MEIKIN: variants seen among roughly 807,000 people sequenced by gnomAD.
The protein encoded by MEIKIN is meiotic kinetochore factor.
intron 11 of MEIKIN, among the ~76,000 whole-genome samples, chr5:131,831,679 A>G (rs1460610559): frequency 6.6e-6 from 1 of 152,216 alleles, no homozygotes; most frequent in Non-Finnish European, 1.5e-5. Context: ...TGCTGCTGAT[A>G]AAGACATACC....
At position 131,810,491 on chromosome 5, in the gene MEIKIN, G is replaced by C. The variant is rs184284379; in HGVS notation, c.1100-3233C>G. Among the ~76,000 whole-genome samples the C allele has an allele frequency of 1.6e-3, 244 of 152,300 alleles. 1 individual carries two copies. Among genetic ancestry groups the C allele is most frequent in the African/African-American group, 5.7e-3 (235 of 41,540 alleles). ...TGATTCTACAAGTAATAAGCTCTGTGCATTTGGGCAAGTCACTTAACCTGG... is the reference window on the plus strand; with the variant it reads ...TGATTCTACAAGTAATAAGCTCTGTCCATTTGGGCAAGTCACTTAACCTGG... On this transcript the variant is annotated intron_variant, in intron 12 of 12. Coordinates refer to ENST00000442687, the MANE Select transcript of MEIKIN (RefSeq NM_001303622.2).
At chr5:131,825,994 C>A (rs1274105879) in intron 11 of MEIKIN, among the ~76,000 whole-genome samples, 1 of 151,774 alleles carries the variant, frequency 6.6e-6, no homozygotes. Context: ...AGAATAAAGG[C>A]AAATTAAAGG....
intron 9 of MEIKIN, among the ~76,000 whole-genome samples, chr5:131,865,174 C>A (rs1374765358): frequency 6.6e-6 from 1 of 150,546 alleles, no homozygotes; most frequent in African/African-American, 2.4e-5. Context: ...TGCATCTCAC[C>A]AAGCTTCTTT....
chr5:131,817,073 C>T (rs959328687), intron 12 of MEIKIN, among the ~76,000 whole-genome samples: 2 of 152,088 alleles, frequency 1.3e-5, no homozygotes, highest in South Asian at 2.1e-4. Flanking sequence ...ATAGAAAAGG[C>T]GGAGGAAAGG....
chr5:131,928,762 A>G (rs530016256), intron 5 of MEIKIN, among the ~76,000 whole-genome samples: 3 of 152,292 alleles, frequency 2.0e-5, no homozygotes, highest in African/African-American at 7.2e-5. Flanking sequence ...GCTTGAGGAC[A>G]GGTCATTTTT....
chr5:131,875,492 A>C (rs574354229), intron 9 of MEIKIN, among the ~76,000 whole-genome samples: 115 of 151,980 alleles, frequency 7.6e-4, no homozygotes, highest in Middle Eastern at 3.4e-3. Flanking sequence ...ATGAAATAAA[A>C]GAGGATACAA....
intron 3 of MEIKIN, among the ~76,000 whole-genome samples, chr5:131,943,594 G>T (rs1751910645): frequency 6.6e-6 from 1 of 152,038 alleles, no homozygotes; most frequent in African/African-American, 2.4e-5. Context: ...TTTAATGTAT[G>T]GGAATATACA....
chr5:131,881,081 G>A (rs1750695027), intron 8 of MEIKIN, among the ~76,000 whole-genome samples: 1 of 152,122 alleles, frequency 6.6e-6, no homozygotes, highest in African/African-American at 2.4e-5. Flanking sequence ...AGCTCTGTAG[G>A]AGATAAAACT....
In MEIKIN at chr5:131,938,168, T is replaced by C. The variant is rs1207190402; in HGVS notation, c.349+4467A>G. 8.7e-5 allele frequency among the ~76,000 whole-genome samples: 8 copies of C among 91,848 alleles called. No individual in the cohort carries two copies. In the East Asian group the frequency reaches 2.9e-3, roughly 33 times the overall value. The allele number at this position is 91,848 out of a possible 152,430, so 60.3% of individuals were successfully genotyped here. Reference sequence around the variant, plus strand: ...CATAGAACTCGCCCCTCACCCCCTTTTTTTTTTTTTTTTTTTGAGATGGAG... The same window carrying C: ...CATAGAACTCGCCCCTCACCCCCTTCTTTTTTTTTTTTTTTTGAGATGGAG... On this transcript the variant is annotated intron_variant, in intron 4 of 12. Transcript: ENST00000442687.
At chr5:131,874,285 T>C (rs1361752684) in intron 9 of MEIKIN, among the ~76,000 whole-genome samples, 5 of 151,872 alleles carry the variant, frequency 3.3e-5, no homozygotes, top group East Asian at 3.9e-4. Context: ...AAGAATCAAA[T>C]AGATGCAATA....
chr5:131,820,730 G>A (rs1221362879), intron 11 of MEIKIN, among the ~76,000 whole-genome samples: 2 of 152,092 alleles, frequency 1.3e-5, no homozygotes, highest in Admixed American at 6.5e-5. Flanking sequence ...TTGATTGATG[G>A]TTCAATCTTT....
At chr5:131,856,124 G>C (rs1750188373) in intron 9 of MEIKIN, among the ~76,000 whole-genome samples, 1 of 152,114 alleles carries the variant, frequency 6.6e-6, no homozygotes, top group Non-Finnish European at 1.5e-5. Flanking sequence ...AAATGTTTAT[G>C]GGTATATTTA....
intron 5 of MEIKIN, among the ~76,000 whole-genome samples, chr5:131,931,879 A>C (rs1751698419): frequency 6.6e-6 from 1 of 152,150 alleles, no homozygotes; most frequent in Non-Finnish European, 1.5e-5. Flanking sequence ...GGCTTTCCTC[A>C]GAAGTCTGGT....
intron 5 of MEIKIN, among the ~76,000 whole-genome samples, chr5:131,932,339 A>C (rs1751704308): frequency 6.6e-6 from 1 of 152,230 alleles, no homozygotes; most frequent in Admixed American, 6.5e-5. Flanking sequence ...TGGCTCAGGT[A>C]ACTCAGATTA....
intron 9 of MEIKIN, among the ~76,000 whole-genome samples, chr5:131,867,633 C>T (rs971937105): frequency 1.3e-5 from 2 of 152,176 alleles, no homozygotes; most frequent in Non-Finnish European, 2.9e-5. Context: ...CAGTATGTAG[C>T]CTTTTCAGTC....
At chr5:131,839,512 C>T (rs1189385256) in intron 11 of MEIKIN, among the ~76,000 whole-genome samples, 3 of 152,176 alleles carry the variant, frequency 2.0e-5, no homozygotes, top group African/African-American at 7.2e-5. Context: ...TCTCTAACAA[C>T]TTGCCTTATG....
chr5:131,882,023 A>G (rs1023107655), intron 8 of MEIKIN, among the ~76,000 whole-genome samples: 2 of 152,192 alleles, frequency 1.3e-5, no homozygotes, highest in Admixed American at 1.3e-4. Flanking sequence ...AATAAATGGT[A>G]CCATCATTCA....
chr5:131,877,894 C>T (rs1371047453), intron 9 of MEIKIN, among the ~76,000 whole-genome samples: 1 of 152,136 alleles, frequency 6.6e-6, no homozygotes, highest in Non-Finnish European at 1.5e-5. Context: ...AATTGCACAC[C>T]ATTCTGAGTA....
chr5:131,895,334 T>C lies in MEIKIN; in HGVS notation c.704-16286A>G, dbSNP rs146966999. Among the ~76,000 whole-genome samples, 485 of 152,344 alleles carry C rather than the reference T, an allele frequency of 3.2e-3. 3 individuals are homozygous for C. The highest frequency in any genetic ancestry group is 0.011 in the African/African-American group (462 of 41,586). On this transcript the variant is annotated intron_variant, in intron 8 of 12. Transcript: ENST00000442687. ...TTCACATCGATGTTCATCAGGGATA[T>C]TGGTCTAAAATTCTCTTTTTTCATT... is the stretch of plus-strand genomic sequence containing the variant.
Sources: allele counts gnomAD v4.1 joint callset (sites outside exome capture counted in the v4.1 genomes callset), GRCh38; gene constraint gnomAD v4.1.1; transcripts MANE v1.5; gene names NCBI Gene and HGNC (gene_info 2026-07-23, HGNC 2026-07-21).